Variants in XIRP2 observed in about 807,000 individuals in gnomAD.
The protein encoded by XIRP2 is xin actin-binding repeat-containing protein 2.
A neutral mutation model predicts 277.0 loss-of-function variants in XIRP2; 236 were observed. That is an observed-to-expected ratio of 0.85 (90% CI 0.77 to 0.95). The LOEUF (loss-of-function observed/expected upper bound fraction) is 0.95, where lower values mean the gene tolerates loss of function less well. Ranked by LOEUF, XIRP2 falls within the 40% of genes least tolerant of loss-of-function variation. XIRP2 has a pLI of 0.00. For synonymous variants in XIRP2, 1,490 were observed against 1,416.5 expected, an observed-to-expected ratio of 1.05 and a Z score of -1.17; for missense variants, 4,640 against 4,157.5, an observed-to-expected ratio of 1.12 and a Z score of -3.19.
intron 5 of XIRP2, among the ~76,000 whole-genome samples, chr2:167,228,414 A>G (rs1358181243): frequency 6.6e-6 from 1 of 152,212 alleles, no homozygotes; most frequent in Non-Finnish European, 1.5e-5. Flanking sequence ...ATTCCAGTAC[A>G]ACATCATAAA....
At chr2:167,037,809 A>G (rs917703738) in intron 2 of XIRP2, among the ~76,000 whole-genome samples, 1 of 152,090 alleles carries the variant, frequency 6.6e-6, no homozygotes, top group Non-Finnish European at 1.5e-5. Context: ...ATGAAAATAT[A>G]GGAAAATCAG....
intron 2 of XIRP2, among the ~76,000 whole-genome samples, chr2:167,025,412 G>C (rs1306017490): frequency 3.3e-5 from 5 of 152,076 alleles, no homozygotes; most frequent in Non-Finnish European, 7.4e-5. Flanking sequence ...CCAGCTGCTG[G>C]ATTCATTAAT....
chr2:167,154,885 T>C (rs1275802560), intron 3 of XIRP2, among the ~76,000 whole-genome samples: 1 of 151,702 alleles, frequency 6.6e-6, no homozygotes, highest in Non-Finnish European at 1.5e-5. Flanking sequence ...AAGAATCAAA[T>C]AGATGCAAGA....
intron 2 of XIRP2, chr2:167,124,636 G>A (rs951505862): frequency 6.6e-6 from 1 of 152,234 alleles, no homozygotes; most frequent in Non-Finnish European, 1.5e-5. Flanking sequence ...TGTGTCAAAA[G>A]TGACTAGAGT....
chr2:167,046,176 A>G (rs1405308496), intron 2 of XIRP2, among the ~76,000 whole-genome samples: 1 of 152,078 alleles, frequency 6.6e-6, no homozygotes, highest in African/African-American at 2.4e-5. Context: ...TTATTGGTGT[A>G]CAGAAATACT....
rs192536044 is a variant in XIRP2, at chr2:166,950,424, G to T, written c.408+46534G>T. Reference sequence around the variant, plus strand: ...GATTTTTGTACAAGGAAAAATTAGAGTAGAGTTGTTACTTTTGGCAGCTCA... The same window carrying T: ...GATTTTTGTACAAGGAAAAATTAGATTAGAGTTGTTACTTTTGGCAGCTCA... On this transcript the variant is annotated intron_variant, in intron 2 of 10. Coordinates refer to ENST00000409195, the MANE Select transcript of XIRP2 (RefSeq NM_152381.6). Among the ~76,000 whole-genome samples, 189 of 152,118 alleles carry T rather than the reference G, an allele frequency of 1.2e-3. 1 individual carries two copies. The highest frequency in any genetic ancestry group is 4.2e-3 in the African/African-American group (173 of 41,532).
chr2:167,012,557 C>A (rs552144109), intron 2 of XIRP2, among the ~76,000 whole-genome samples: 1 of 151,602 alleles, frequency 6.6e-6, no homozygotes, highest in Non-Finnish European at 1.5e-5. Context: ...CACTTAAGAG[C>A]CTTTCTTTCT....
At chr2:167,125,100 AAGTG>A (rs1691163755) in intron 2 of XIRP2, among the ~76,000 whole-genome samples, 1 of 152,162 alleles carries the variant, frequency 6.6e-6, no homozygotes, top group African/African-American at 2.4e-5. Context: ...GACCCTTCTA[AAGTG>A]ATGTGTGCAG....
intron 2 of XIRP2, among the ~76,000 whole-genome samples, chr2:167,042,054 G>T (rs1688671033): frequency 6.6e-6 from 1 of 152,104 alleles, no homozygotes; most frequent in African/African-American, 2.4e-5. Flanking sequence ...TTAAAGAAAA[G>T]AAATTCTAAC....
Position 166,893,553 on chromosome 2 carries a change from T to G in XIRP2, c.-19+4996T>G, listed in dbSNP as rs1421894825. Among the ~76,000 whole-genome samples, 5 of 152,188 alleles carry G rather than the reference T, an allele frequency of 3.3e-5. No homozygotes were observed. The East Asian group carries it at 9.6e-4, about 29-fold the overall frequency. On this transcript the variant is annotated intron_variant, in intron 1 of 10. Transcript: ENST00000409195. Reference sequence around the variant, plus strand: ...TTCATTGTGTGGCCAGACCATCATTTAGTAAAACATCCCCCTCACTTTGAA... The same window carrying G: ...TTCATTGTGTGGCCAGACCATCATTGAGTAAAACATCCCCCTCACTTTGAA...
At position 166,903,844 on chromosome 2, in the gene XIRP2, T is replaced by C. The variant is rs773061914; in HGVS notation, c.362T>C (p.Phe121Ser). 1.9e-6 allele frequency: 3 copies of C among 1,613,640 alleles called. No individual in the cohort carries two copies. The Admixed American group carries it at 5.0e-5, about 27-fold the overall frequency. ...GCCCTTGATGAGCTGAGGAGTGTGT[T>C]TGAGGCTCCTAAGAGTGGAAACAAA... is the stretch of plus-strand genomic sequence containing the variant. The part of the protein sequence containing the change: ...SIALDELRSV[F>S]EAPKSGNKPA... Residue 121 changes from phenylalanine to serine, a missense_variant, in exon 2 of 11, where the codon TTT (phenylalanine) becomes TCT (serine). Coordinates refer to ENST00000409195, the MANE Select transcript of XIRP2 (RefSeq NM_152381.6).
intron 3 of XIRP2, among the ~76,000 whole-genome samples, chr2:167,169,090 C>G (rs1182303692): frequency 6.6e-6 from 1 of 152,050 alleles, no homozygotes; most frequent in African/African-American, 2.4e-5. Flanking sequence ...GTAAATGAAC[C>G]TTTAGTAGTA....
At chr2:167,041,949 T>C (rs1458116393) in intron 2 of XIRP2, among the ~76,000 whole-genome samples, 1 of 151,994 alleles carries the variant, frequency 6.6e-6, no homozygotes, top group African/African-American at 2.4e-5. Context: ...GGAAGGGGCA[T>C]GTCACATATA....
chr2:167,247,999 A>T lies in XIRP2; in HGVS notation c.6607A>T (p.Asn2203Tyr). Reference sequence around the variant, plus strand: ...TTCTAATAAGGATATAAAGAAAAAGAATATAAACCTTCAACCAATGTGGCA... The same window carrying T: ...TTCTAATAAGGATATAAAGAAAAAGTATATAAACCTTCAACCAATGTGGCA... ...KYSNKDIKKK[N>Y]INLQPMWQLL... Residue 2203 changes from asparagine (N) to tyrosine (Y), a missense_variant, in exon 9 of 11, where the codon AAT becomes TAT. By Grantham distance (143) the Asn-to-Tyr change is moderately radical. Coordinates refer to ENST00000409195, the MANE Select transcript of XIRP2 (RefSeq NM_152381.6). 1 of 1,612,932 alleles carries T rather than the reference A, an allele frequency of 6.2e-7. No individual in the cohort carries two copies. Among genetic ancestry groups the T allele is most frequent in the South Asian group, 1.1e-5 (1 of 90,890 alleles).
chr2:166,984,353 A>C (rs1022039479), intron 2 of XIRP2, among the ~76,000 whole-genome samples: 32 of 152,188 alleles, frequency 2.1e-4, no homozygotes, highest in Non-Finnish European at 3.8e-4. Flanking sequence ...AGCCTAAAAT[A>C]ACTTCAATCA....
rs117992326 is a variant in XIRP2 at position 166,922,946 on chromosome 2, A to G, written c.408+19056A>G. On this transcript the variant is annotated intron_variant, in intron 2 of 10. Transcript: ENST00000409195. ...CATGCTGAATTATCCTATCTTCTTT[A>G]TTATTCTTCATCACTGGATAAAAAC... Among the ~76,000 whole-genome samples, 12 of 150,922 alleles carry G rather than the reference A, an allele frequency of 8.0e-5. No homozygotes were observed. In the East Asian group the frequency reaches 2.4e-3, roughly 30 times the overall value.
At chr2:167,139,016 G>C (rs997983223) in intron 3 of XIRP2, among the ~76,000 whole-genome samples, 4 of 151,952 alleles carry the variant, frequency 2.6e-5, no homozygotes, top group African/African-American at 9.7e-5. Flanking sequence ...TCAGTGAGCC[G>C]AGATGGCGCC....
chr2:166,974,682 A>G (rs921787891), intron 2 of XIRP2, among the ~76,000 whole-genome samples: 1 of 152,072 alleles, frequency 6.6e-6, no homozygotes, highest in Non-Finnish European at 1.5e-5. Context: ...CATACTACCT[A>G]AAGTTAATTA....
chr2:167,140,086 A>G (rs1479907806), intron 3 of XIRP2, among the ~76,000 whole-genome samples: 2 of 152,214 alleles, frequency 1.3e-5, no homozygotes, highest in Admixed American at 1.3e-4. Flanking sequence ...AAATAGCAAT[A>G]ATTCACATAT....
Sources: allele counts gnomAD v4.1 joint callset (sites outside exome capture counted in the v4.1 genomes callset), GRCh38; gene constraint gnomAD v4.1.1; transcripts MANE v1.5; gene names NCBI Gene and HGNC (gene_info 2026-07-23, HGNC 2026-07-21).